Variants in AFAP1L2 observed in about 807,000 individuals in gnomAD.
AFAP1L2 encodes the protein actin filament associated protein 1 like 2, also known as actin filament-associated protein 1-like 2.
In AFAP1L2, 46 loss-of-function variants were observed where a neutral mutation model predicts 99.3. The ratio of observed to expected loss-of-function variants is 0.46; its 90% CI spans 0.37 to 0.59. AFAP1L2 has a LOEUF of 0.59. Ranked by LOEUF, AFAP1L2 falls within the 20% of genes least tolerant of loss-of-function variation. The pLI, the probability that AFAP1L2 is intolerant of heterozygous loss-of-function variation, is 0.00. For missense variants in AFAP1L2, 959 were observed against 1,034.9 expected (o/e 0.93, Z 1.01); for synonymous variants, 397 against 419.1 (o/e 0.95, Z 0.64).
At chr10:114,303,622 C>A (rs1293310018) in intron 11 of AFAP1L2, among the ~76,000 whole-genome samples, 2 of 152,220 alleles carry the variant, frequency 1.3e-5, no homozygotes, top group Admixed American at 1.3e-4. Context: ...TTAGTTTCAA[C>A]TGGATTCTAA....
chr10:114,299,300 T>C lies in AFAP1L2; in HGVS notation c.2073A>G (p.Lys691=). 1 of 1,614,270 alleles carries C rather than the reference T, an allele frequency of 6.2e-7. No individual in the cohort carries two copies. Among genetic ancestry groups the C allele is most frequent in the South Asian group, 1.1e-5 (1 of 91,084 alleles). Residue 691 remains lysine, a synonymous_variant, in exon 16 of 19, where the codon AAA becomes AAG. Coordinates refer to ENST00000304129, the MANE Select transcript of AFAP1L2 (RefSeq NM_001001936.3). The part of the protein sequence containing the change: ...EIRGHLAQLR[K]EKRELKETLL... ...GGGTTTCCTTTAGCTCCCGTTTCTCTTTCCGGAGCTGAGCCAGGTGCCCCC... is the reference window on the plus strand; with the variant it reads ...GGGTTTCCTTTAGCTCCCGTTTCTCCTTCCGGAGCTGAGCCAGGTGCCCCC...
intron 4 of AFAP1L2, among the ~76,000 whole-genome samples, chr10:114,328,210 G>C (rs749235755): frequency 6.6e-6 from 1 of 152,202 alleles, no homozygotes; most frequent in Non-Finnish European, 1.5e-5. Flanking sequence ...TCTATTGCTG[G>C]ACAGACCTGC....
downstream of AFAP1L2, chr10:114,291,157 G>C: frequency 6.5e-7 from 1 of 1,547,086 alleles, no homozygotes; most frequent in Non-Finnish European, 8.7e-7. Context: ...CTCAGAGGCT[G>C]CTGGAGGGCT....
downstream of AFAP1L2, chr10:114,291,209 C>A: frequency 6.4e-7 from 1 of 1,550,532 alleles, no homozygotes; most frequent in African/African-American, 1.4e-5. Context: ...ACTTCACTTC[C>A]TTCCCCAGGA....
At chr10:114,336,575 G>A (rs1355122060) in intron 2 of AFAP1L2, among the ~76,000 whole-genome samples, 1 of 152,122 alleles carries the variant, frequency 6.6e-6, no homozygotes, top group Non-Finnish European at 1.5e-5. Context: ...GTCCTTCCCA[G>A]AGAACTGGCA....
chr10:114,340,288 C>A (rs2048627153), intron 2 of AFAP1L2, among the ~76,000 whole-genome samples: 1 of 152,106 alleles, frequency 6.6e-6, no homozygotes, highest in African/African-American at 2.4e-5. Flanking sequence ...CCACTGCACT[C>A]CAGACTGGGT....
chr10:114,329,953 G>A (rs977241452), intron 4 of AFAP1L2, among the ~76,000 whole-genome samples: 3 of 152,130 alleles, frequency 2.0e-5, no homozygotes. Flanking sequence ...TGGGTGGTGG[G>A]CGGATGGTGT....
At chr10:114,293,362 G>A (rs767464934), downstream of AFAP1L2, among the ~76,000 whole-genome samples, 10 of 152,226 alleles carry the variant, frequency 6.6e-5, no homozygotes, top group Middle Eastern at 3.4e-3. Context: ...GTCTTGTTCC[G>A]GGCTGGTATT....
upstream of AFAP1L2, chr10:114,404,587 G>T (rs949438380): frequency 2.7e-4 from 354 of 1,300,194 alleles, no homozygotes; most frequent in Non-Finnish European, 3.3e-4. Flanking sequence ...TGGCGGGGCC[G>T]CCGCGCCCAG....
chr10:114,281,694 G>T, the AFAP1L2 span: 1 of 980,714 alleles, frequency 1.0e-6, no homozygotes, highest in Non-Finnish European at 1.2e-6. Flanking sequence ...CAGCACACCT[G>T]GGGTGGAGGG....
intron 16 of AFAP1L2, 120 bp downstream of exon 16, chr10:114,299,140 G>T: frequency 3.2e-6 from 4 of 1,239,202 alleles, no homozygotes; most frequent in Admixed American, 2.1e-5. Flanking sequence ...CAGGCCAAGG[G>T]TTGAAGGGGC....
chr10:114,299,162 G>A lies in AFAP1L2; in HGVS notation c.2113+98C>T, dbSNP rs577149425. 6 of 1,460,624 alleles carry A rather than the reference G, an allele frequency of 4.1e-6. No individual in the cohort carries two copies. The African/African-American group carries it at 5.6e-5, about 14-fold the overall frequency. The allele number at this position is 1,460,624 out of a possible 1,614,324, so 90.5% of individuals were successfully genotyped here. ...AGGGTTGAAGGGGCCAGGGCCCACT[G>A]ATTGAGAAGGTGTGGTGACAGCCAG... is the stretch of plus-strand genomic sequence containing the variant. On this transcript the variant is annotated intron_variant, in intron 16 of 18. Coordinates refer to ENST00000304129, the MANE Select transcript of AFAP1L2 (RefSeq NM_001001936.3).
intron 18 of AFAP1L2, 181 bp from the exon 19 acceptor site, chr10:114,296,249 G>A (rs1305256129): frequency 1.3e-6 from 1 of 780,604 alleles, no homozygotes; most frequent in African/African-American, 1.7e-5. Flanking sequence ...GAGATTTTGA[G>A]ACTGTGGCAC....
chr10:114,396,683 G>C (rs1327221510), intron 1 of AFAP1L2, among the ~76,000 whole-genome samples: 1 of 152,176 alleles, frequency 6.6e-6, no homozygotes, highest in South Asian at 2.1e-4. Context: ...TTGCAGACAG[G>C]CTGCCAAAGC....
At chr10:114,389,487 C>G (rs139839332) in intron 1 of AFAP1L2, among the ~76,000 whole-genome samples, 99 of 152,322 alleles carry the variant, frequency 6.5e-4, no homozygotes, top group African/African-American at 2.3e-3. Context: ...CCATCAGGTA[C>G]TAGAAAAATC....
intron 1 of AFAP1L2, among the ~76,000 whole-genome samples, chr10:114,402,602 C>T (rs979150277): frequency 7.2e-5 from 11 of 152,272 alleles, no homozygotes; most frequent in African/African-American, 1.7e-4. Context: ...GACCTGGAAA[C>T]GAAGTTCCCT....
At chr10:114,324,466 G>A (rs1357525112) in intron 4 of AFAP1L2, among the ~76,000 whole-genome samples, 2 of 150,306 alleles carry the variant, frequency 1.3e-5, no homozygotes, top group African/African-American at 5.0e-5. Flanking sequence ...TGGCCAGGCT[G>A]GTCTCAAACT....
At chr10:114,351,425 C>T (rs1186211791) in intron 1 of AFAP1L2, among the ~76,000 whole-genome samples, 1 of 152,192 alleles carries the variant, frequency 6.6e-6, no homozygotes, top group Non-Finnish European at 1.5e-5. Flanking sequence ...TTACTGTTTC[C>T]TTCCAGCATT....
At chr10:114,313,787 C>T (rs2043649647) in intron 7 of AFAP1L2, 84 bp downstream of exon 7, 3 of 1,391,338 alleles carry the variant, frequency 2.2e-6, no homozygotes, top group African/African-American at 1.4e-5. Context: ...AATCCTCTAC[C>T]CCTGACCCTA....
Sources: allele counts gnomAD v4.1 joint callset (sites outside exome capture counted in the v4.1 genomes callset), GRCh38; gene constraint gnomAD v4.1.1; transcripts MANE v1.5; gene names NCBI Gene and HGNC (gene_info 2026-07-23, HGNC 2026-07-21).